FNDC3A: variants seen among roughly 807,000 people sequenced by gnomAD.
FNDC3A encodes the protein fibronectin type III domain containing 3A.
A neutral mutation model predicts 148.9 loss-of-function variants in FNDC3A; 32 were observed. The ratio of observed to expected loss-of-function variants is 0.21; its 90% confidence interval spans 0.16 to 0.29. The LOEUF (loss-of-function observed/expected upper bound fraction) is 0.29, where lower values mean the gene tolerates loss of function less well. Among genes scored for constraint, FNDC3A ranks in the 10% least tolerant of loss-of-function variants. FNDC3A has a pLI of 1.00. For synonymous variants in FNDC3A, 472 were observed against 473.6 expected, an observed-to-expected ratio of 1.00 and a Z score of 0.04; for missense variants, 1,191 against 1,452.8, an observed-to-expected ratio of 0.82 and a Z score of 2.93.
intron 25 of FNDC3A, 92 bp from the exon 26 acceptor site, chr13:49,206,989 C>T: frequency 1.2e-6 from 1 of 858,042 alleles, no homozygotes; most frequent in Non-Finnish European, 1.8e-6. Context: ...CACTGGCTTT[C>T]ACATGAAAAA....
chr13:49,159,032 A>G (rs935280391), intron 8 of FNDC3A, among the ~76,000 whole-genome samples: 1 of 152,194 alleles, frequency 6.6e-6, no homozygotes, highest in African/African-American at 2.4e-5. Flanking sequence ...GCCTTGTAGT[A>G]TAGCTTGAAG....
At chr13:49,153,079 C>G (rs1285368493) in intron 8 of FNDC3A, among the ~76,000 whole-genome samples, 1 of 152,062 alleles carries the variant, frequency 6.6e-6, no homozygotes, top group East Asian at 1.9e-4. Context: ...TTCTAGATCC[C>G]TGAGGAATCG....
At chr13:49,008,078 G>A (rs1368890217) in intron 2 of FNDC3A, among the ~76,000 whole-genome samples, 1 of 152,106 alleles carries the variant, frequency 6.6e-6, no homozygotes, top group East Asian at 1.9e-4. Flanking sequence ...GAGCCTGAAG[G>A]AACTCAGTAA....
At position 49,188,652 on chromosome 13, in the gene FNDC3A, T is replaced by G; in HGVS notation, c.1944+19T>G. On this transcript the variant is annotated intron_variant, in intron 17 of 25. Coordinates refer to ENST00000492622, the MANE Select transcript of FNDC3A (RefSeq NM_001079673.2). The stretch of plus-strand genomic sequence containing the variant: ...GAGTGCGGTAATACTTATATGTAGA[T>G]TCTTTTGTGTTGTTATTAAGTTTGG... 1 of 1,520,538 alleles carries G rather than the reference T, an allele frequency of 6.6e-7. No individual in the cohort carries two copies. Among genetic ancestry groups the G allele is most frequent in the Admixed American group, 1.7e-5 (1 of 59,260 alleles). 94.2% of individuals were successfully genotyped at this position (1,520,538 alleles called of 1,614,324 possible).
At chr13:49,158,782 G>C (rs1292825345) in intron 8 of FNDC3A, among the ~76,000 whole-genome samples, 1 of 152,104 alleles carries the variant, frequency 6.6e-6, no homozygotes, top group East Asian at 1.9e-4. Flanking sequence ...AATCCATCTT[G>C]AATTAATTTT....
intron 1 of FNDC3A, among the ~76,000 whole-genome samples, chr13:48,976,387 C>G (rs922639538): frequency 5.4e-4 from 83 of 152,330 alleles, no homozygotes; most frequent in Non-Finnish European, 4.0e-4. Context: ...GGGCCGGGGA[C>G]AGGACCGGTC....
intron 19 of FNDC3A, 97 bp from the exon 20 acceptor site, chr13:49,196,780 A>G (rs1281693961): frequency 1.8e-6 from 1 of 563,976 alleles, no homozygotes; most frequent in Non-Finnish European, 3.1e-6. Context: ...ACACAGGGAA[A>G]AGACTTTATT....
In FNDC3A at chr13:49,076,401, C is replaced by T. The variant is rs549227888; in HGVS notation, c.175+1037C>T. 9.2e-5 allele frequency among the ~76,000 whole-genome samples: 14 copies of T among 152,078 alleles called. No individual in the cohort carries two copies. The South Asian group carries it at 1.7e-3, about 18-fold the overall frequency. ...CTGGGATTACAGGTGCCTGCCACCACGCCTGGCTAATTTTTGTACTTTTAG... is the reference window on the plus strand; with the variant it reads ...CTGGGATTACAGGTGCCTGCCACCATGCCTGGCTAATTTTTGTACTTTTAG... On this transcript the variant is annotated intron_variant, in intron 3 of 25. Transcript: ENST00000492622.
At chr13:49,141,480 T>C (rs1882686336) in intron 7 of FNDC3A, among the ~76,000 whole-genome samples, 10 of 152,172 alleles carry the variant, frequency 6.6e-5, no homozygotes, top group Admixed American at 6.5e-4. Flanking sequence ...GGCTCAGCCT[T>C]TGAGTTATCT....
At chr13:49,152,186 A>G (rs987915616) in intron 8 of FNDC3A, among the ~76,000 whole-genome samples, 1 of 152,150 alleles carries the variant, frequency 6.6e-6, no homozygotes. Flanking sequence ...AGTTTACACT[A>G]CCACCAACAG....
chr13:49,154,042 C>A (rs1321508176), intron 8 of FNDC3A, among the ~76,000 whole-genome samples: 9 of 107,042 alleles, frequency 8.4e-5, no homozygotes, highest in Admixed American at 6.5e-4. Context: ...GTAGTTTTTT[C>A]CAATTCTGTG....
At chr13:49,172,892 T>G (rs551602101) in intron 11 of FNDC3A, among the ~76,000 whole-genome samples, 1 of 152,332 alleles carries the variant, frequency 6.6e-6, no homozygotes, top group East Asian at 1.9e-4. Context: ...TTTGGCTTCC[T>G]TGGGCCACAC....
chr13:49,080,462 G>A (rs781250876), intron 3 of FNDC3A, among the ~76,000 whole-genome samples: 1 of 152,098 alleles, frequency 6.6e-6, no homozygotes, highest in Non-Finnish European at 1.5e-5. Context: ...GCTAGTTTGA[G>A]TCTGTCTCAG....
chr13:49,094,541 GT>G (rs1273983068), intron 3 of FNDC3A, among the ~76,000 whole-genome samples: 2 of 152,024 alleles, frequency 1.3e-5, no homozygotes, highest in Non-Finnish European at 2.9e-5. Context: ...ATTACTTTAT[GT>G]AAATAATTCT....
chr13:49,172,142 G>A (rs772669664), intron 11 of FNDC3A, 46 bp downstream of exon 11: 1 of 1,202,350 alleles, frequency 8.3e-7, no homozygotes, highest in African/African-American at 1.5e-5. Flanking sequence ...ATGTGCATAT[G>A]TTCAGGCAAA....
intron 23 of FNDC3A, chr13:49,201,119 T>C: frequency 3.5e-6 from 1 of 289,140 alleles, no homozygotes; most frequent in Non-Finnish European, 6.9e-6. Flanking sequence ...TTCTCTAATT[T>C]CCAAAAATTT....
At chr13:49,160,260 G>C (rs1418403539) in intron 8 of FNDC3A, among the ~76,000 whole-genome samples, 3 of 151,924 alleles carry the variant, frequency 2.0e-5, no homozygotes, top group Non-Finnish European at 2.9e-5. Context: ...GGCTTTTTTT[G>C]GTTGGTAGTC....
At position 49,186,062 on chromosome 13, in the gene FNDC3A, G is replaced by A. The variant is rs756857787; in HGVS notation, c.1716G>A (p.Val572=). Residue 572 remains valine, a synonymous_variant, in exon 15 of 26, where the codon GTG becomes GTA. Coordinates refer to ENST00000492622, the MANE Select transcript of FNDC3A (RefSeq NM_001079673.2). ...DKPGIPVKPS[V]KGKIHSHSFK... ...CAGGCATACCTGTAAAGCCTTCAGT[G>A]AAAGGAAAGATACATTCACACAGTT... 1 of 1,613,010 alleles carries A rather than the reference G, an allele frequency of 6.2e-7. No homozygotes were observed.
At chr13:49,053,716 A>G (rs1876021488) in intron 2 of FNDC3A, among the ~76,000 whole-genome samples, 2 of 152,110 alleles carry the variant, frequency 1.3e-5, no homozygotes, top group Admixed American at 1.3e-4. Context: ...TATTATGTAG[A>G]TGACGTCTCA....
Sources: gnomAD v4.1 joint callset for allele counts (sites outside exome capture counted in the v4.1 genomes callset) on GRCh38, gnomAD v4.1.1 for gene constraint, MANE v1.5 for transcripts, NCBI Gene and HGNC (gene_info 2026-07-23, HGNC 2026-07-21) for gene names.